Variants in VPS13B observed in about 807,000 individuals in gnomAD.
VPS13B encodes intermembrane lipid transfer protein VPS13B.
Under a neutral mutation model 426.4 loss-of-function variants are expected in VPS13B, and 285 were observed. That is an observed-to-expected ratio of 0.67 (90% CI 0.61 to 0.74). The LOEUF (loss-of-function observed/expected upper bound fraction) is 0.74, where lower values mean the gene tolerates loss of function less well. Among genes scored for constraint, VPS13B ranks in the 30% least tolerant of loss-of-function variants. The pLI is 0.00. For synonymous variants in VPS13B, 1,676 were observed against 1,676.4 expected (o/e 1.00, Z 0.01); for missense variants, 4,537 against 4,782.6 (o/e 0.95, Z 1.51).
At chr8:99,559,163 A>G (rs1824756659) in intron 31 of VPS13B, among the ~76,000 whole-genome samples, 1 of 151,798 alleles carries the variant, frequency 6.6e-6, no homozygotes, top group Non-Finnish European at 1.5e-5. Context: ...ATGGCCAGTG[A>G]TGAGCATTTT....
chr8:99,821,611 A>G (rs1007904324), intron 50 of VPS13B, 129 bp downstream of exon 50: 1 of 1,139,380 alleles, frequency 8.8e-7, no homozygotes, highest in Non-Finnish European at 1.3e-6. Flanking sequence ...ATAACAGTAC[A>G]TTTGATTTCT....
chr8:99,330,246 C>CAT (rs1810480687), intron 19 of VPS13B, among the ~76,000 whole-genome samples: 1 of 151,670 alleles, frequency 6.6e-6, no homozygotes. Flanking sequence ...AACTTTTGAT[C>CAT]ATATATATAA....
At chr8:99,575,831 C>T in intron 32 of VPS13B, 47 bp downstream of exon 32, 2 of 1,586,604 alleles carry the variant, frequency 1.3e-6, no homozygotes, top group Non-Finnish European at 1.7e-6. Flanking sequence ...AATGGAATTG[C>T]TCCTCTTTGT....
At chr8:99,318,112 T>C (rs1809771489) in intron 19 of VPS13B, among the ~76,000 whole-genome samples, 1 of 152,212 alleles carries the variant, frequency 6.6e-6, no homozygotes, top group Admixed American at 6.5e-5. Context: ...TTTACTGCCT[T>C]TGCAAATTAA....
intron 33 of VPS13B, among the ~76,000 whole-genome samples, chr8:99,629,919 C>T (rs950836746): frequency 6.6e-5 from 10 of 152,254 alleles, no homozygotes; most frequent in Admixed American, 5.9e-4. Context: ...ACATTTTTAT[C>T]GCATTAATTT....
chr8:99,662,955 G>A (rs117301911), intron 35 of VPS13B, among the ~76,000 whole-genome samples: 4,845 of 152,244 alleles, frequency 0.032, 110 homozygotes, highest in Non-Finnish European at 0.046. Context: ...CTACTCTGGA[G>A]GCTGAGGCAC....
At chr8:99,726,110 A>G (rs1056633772) in intron 39 of VPS13B, among the ~76,000 whole-genome samples, 4 of 152,200 alleles carry the variant, frequency 2.6e-5, no homozygotes, top group Admixed American at 2.6e-4. Flanking sequence ...TATGGAATTT[A>G]TTTTGTAATT....
chr8:99,559,764 A>G (rs376787730), intron 31 of VPS13B, among the ~76,000 whole-genome samples: 2 of 152,184 alleles, frequency 1.3e-5, no homozygotes, highest in Admixed American at 1.3e-4. Flanking sequence ...CCATTGTTCT[A>G]TATCTCTGTT....
At chr8:99,297,954 T>G (rs1008260244) in intron 19 of VPS13B, among the ~76,000 whole-genome samples, 1 of 152,180 alleles carries the variant, frequency 6.6e-6, no homozygotes, top group Admixed American at 6.5e-5. Context: ...ATATTGGGAT[T>G]TTTCTAATTT....
At chr8:99,853,409 G>A (rs1276467222) in intron 55 of VPS13B, 42 bp from the exon 56 acceptor site, 1 of 1,602,524 alleles carries the variant, frequency 6.2e-7, no homozygotes, top group Non-Finnish European at 8.5e-7. Context: ...AGAAAGAAAA[G>A]GTGAGTGGGG....
chr8:99,481,697 C>T lies in VPS13B; in HGVS notation c.3765C>T (p.Thr1255=). ...NLNLSPTSPE[T]MAGPVPTSPV... ...ACCTATCTCCAACCTCTCCAGAGAC[C>T]ATGGCAGGGCCTGTTCCTACTTCTC... is the stretch of plus-strand genomic sequence containing the variant. The change falls in exon 25 of 62, where the codon ACC becomes ACT. Residue 1255 remains threonine (T), a synonymous_variant. Transcript: ENST00000357162. The T allele has an allele frequency of 6.2e-7, 1 of 1,614,020 alleles. No homozygotes were observed. The highest frequency in any genetic ancestry group is 2.2e-5 in the East Asian group (1 of 44,868).
chr8:99,331,886 C>G (rs777363400), intron 19 of VPS13B, among the ~76,000 whole-genome samples: 1 of 151,642 alleles, frequency 6.6e-6, no homozygotes, highest in African/African-American at 2.4e-5. Context: ...TGGAGTTCAA[C>G]GTTGTAACTG....
chr8:99,183,882 A>G (rs1175925077), intron 16 of VPS13B, among the ~76,000 whole-genome samples: 1 of 152,138 alleles, frequency 6.6e-6, no homozygotes, highest in Non-Finnish European at 1.5e-5. Context: ...CCCTAATTAG[A>G]TCCTCTTTGT....
chr8:99,520,130 C>T (rs921767932), intron 29 of VPS13B, among the ~76,000 whole-genome samples: 2 of 152,108 alleles, frequency 1.3e-5, no homozygotes, highest in African/African-American at 4.8e-5. Context: ...AGAACTGATA[C>T]ATCCTTTTAC....
intron 43 of VPS13B, 111 bp downstream of exon 43, chr8:99,784,587 C>A: frequency 7.2e-7 from 1 of 1,395,370 alleles, no homozygotes; most frequent in Non-Finnish European, 1.0e-6. Flanking sequence ...GAAGGAACCA[C>A]ACAGCGTAGC....
intron 43 of VPS13B, among the ~76,000 whole-genome samples, chr8:99,787,818 G>A (rs1812341690): frequency 6.6e-6 from 1 of 151,998 alleles, no homozygotes; most frequent in South Asian, 2.1e-4. Flanking sequence ...AAACTGCTTG[G>A]AATAGTATTG....
intron 24 of VPS13B, 30 bp downstream of exon 24, chr8:99,467,664 T>A: frequency 6.3e-7 from 1 of 1,597,816 alleles, no homozygotes; most frequent in Non-Finnish European, 8.5e-7. Context: ...GAAAGGAAAT[T>A]TAAAGTAATG....
intron 21 of VPS13B, among the ~76,000 whole-genome samples, chr8:99,416,394 C>G (rs1356008626): frequency 2.0e-5 from 3 of 152,126 alleles, no homozygotes; most frequent in Admixed American, 2.0e-4. Flanking sequence ...CACTTGCCTC[C>G]CTGACTTCAG....
In VPS13B at chr8:99,699,851, C is replaced by T; in HGVS notation, c.6373C>T (p.His2125Tyr). Residue 2125 changes from histidine (H) to tyrosine (Y), a missense_variant, in exon 36 of 62, where the codon CAT (histidine) becomes TAT (tyrosine). His to Tyr is a moderately conservative substitution (Grantham distance 83). Around this residue, in one of 2 missense-constraint regions of VPS13B, gnomAD observed 4,311 missense variants for 4,474.3 expected, o/e 0.96. Transcript: ENST00000357162. ...TGTGATCTCCATGGAAACTGTACCCCATACCAGCAAACCATGCCTGTTAGC... is the reference window on the plus strand; with the variant it reads ...TGTGATCTCCATGGAAACTGTACCCTATACCAGCAAACCATGCCTGTTAGC... ...QIVISMETVPHTSKPCLLASL... is the reference protein window; with the variant it reads ...QIVISMETVPYTSKPCLLASL... 3 of 1,613,768 alleles carry T rather than the reference C, an allele frequency of 1.9e-6. No individual in the cohort carries two copies. Among genetic ancestry groups the T allele is most frequent in the Non-Finnish European group, 2.5e-6 (3 of 1,179,898 alleles).
Sources: allele counts gnomAD v4.1 joint callset (sites outside exome capture counted in the v4.1 genomes callset), GRCh38; gene constraint gnomAD v4.1.1; regional missense constraint gnomAD v4.1.1; transcripts MANE v1.5; gene names NCBI Gene and HGNC (gene_info 2026-07-23, HGNC 2026-07-21).